Variants in BAIAP2L2 observed in about 807,000 individuals in gnomAD.
The protein encoded by BAIAP2L2 is BAR/IMD domain containing adaptor protein 2 like 2.
Under a neutral mutation model 60.4 loss-of-function variants are expected in BAIAP2L2, and 65 were observed. The observed-to-expected ratio is 1.08, with a 90% CI of 0.88 to 1.32. BAIAP2L2 has a LOEUF of 1.32. Among genes scored for constraint, BAIAP2L2 ranks in the 40% most tolerant of loss-of-function variants. The probability of loss-of-function intolerance (pLI) is 0.00; values close to 1 mark genes in which losing one functional copy is unlikely to be tolerated. For synonymous variants in BAIAP2L2, 344 were observed against 301.7 expected (o/e 1.14, Z -1.45); for missense variants, 836 against 741.2 (o/e 1.13, Z -1.48).
chr22:38,097,310 C>T, intron 6 of BAIAP2L2, 132 bp from the exon 7 acceptor site: 1 of 982,244 alleles, frequency 1.0e-6, no homozygotes, highest in Non-Finnish European at 1.5e-6. Context: ...CCCCCATCAC[C>T]CGGCCCATCC....
intron 7 of BAIAP2L2, among the ~76,000 whole-genome samples, chr22:38,091,849 C>T (rs554117704): frequency 6.6e-6 from 1 of 152,240 alleles, no homozygotes; most frequent in South Asian, 2.1e-4. Flanking sequence ...AAGATACTGG[C>T]ATGTCACAGC....
At chr22:38,089,875 A>G (rs938204479) in intron 7 of BAIAP2L2, among the ~76,000 whole-genome samples, 5 of 151,984 alleles carry the variant, frequency 3.3e-5, no homozygotes, top group African/African-American at 1.2e-4. Flanking sequence ...ATTTTCCACG[A>G]AGAGCTTCCT....
chr22:38,098,974 C>G (rs1056514543), intron 4 of BAIAP2L2, among the ~76,000 whole-genome samples: 2 of 152,308 alleles, frequency 1.3e-5, no homozygotes, highest in East Asian at 1.9e-4. Context: ...GCTGCTATGG[C>G]CATGGCTCAC....
Position 38,088,801 on chromosome 22 carries a change from C to T in BAIAP2L2, c.1065G>A (p.Leu355=), listed in dbSNP as rs751218638. ...RFSAGDVVEV[L]VPEAQNGWLY... is the part of the protein sequence containing the mutation. ...GCCAGCCGTTCTGGGCCTCGGGCAC[C>T]AACACCTCCACCACGTCCCCAGCGG... The change falls in exon 10 of 14, where the codon TTG becomes TTA. Residue 355 remains leucine (L), a synonymous_variant. Coordinates refer to ENST00000381669, the MANE Select transcript of BAIAP2L2 (RefSeq NM_025045.6). 2 of 1,601,296 alleles carry T rather than the reference C, an allele frequency of 1.2e-6. No homozygotes were observed.
intron 1 of BAIAP2L2, among the ~76,000 whole-genome samples, chr22:38,110,092 AGAGAGACAGAGAGAGG>A (rs1569234151): frequency 2.9e-5 from 2 of 69,716 alleles, no homozygotes; most frequent in East Asian, 3.4e-4. Flanking sequence ...ACAGAGAGAG[AGAGAGACAGAGAGAGG>A]GAGAGAGAGA....
chr22:38,085,020 T>G lies in BAIAP2L2; in HGVS notation c.*280A>C, dbSNP rs146229052. The G allele has an allele frequency of 1.4e-5, 6 of 420,474 alleles. No individual in the cohort carries two copies. The East Asian group carries it at 2.8e-4, about 19-fold the overall frequency. 26.0% of individuals were successfully genotyped at this position (420,474 alleles called of 1,614,324 possible). On this transcript the variant is annotated 3_prime_UTR_variant, in exon 14 of 14. Coordinates refer to ENST00000381669, the MANE Select transcript of BAIAP2L2 (RefSeq NM_025045.6). ...GGGGGCAGAAAAGGGGGAAAGAGGT[T>G]AGGGGGCAAGAGGTGGGCCCCCCAG...
In BAIAP2L2 at chr22:38,088,914, C is replaced by G; in HGVS notation, c.952G>C (p.Glu318Gln). ...GCGCCCCCGCCGCCGCCCGGGCGCT[C>G]GCCAAAGGAGTTGGAGCGCGAGCTT... ...AQSSRSNSFG[E>Q]RPGGGGGARR... The change falls in exon 10 of 14, where the codon GAG (glutamate) becomes CAG (glutamine). Residue 318 changes from glutamate (E) to glutamine (Q), a missense_variant. Physicochemically the swap from Glu to Gln is conservative, Grantham distance 29. Coordinates refer to ENST00000381669, the MANE Select transcript of BAIAP2L2 (RefSeq NM_025045.6). 1 of 1,556,204 alleles carries G rather than the reference C, an allele frequency of 6.4e-7. No homozygotes were observed.
chr22:38,088,664 C>T (rs1569217373), intron 10 of BAIAP2L2, 84 bp downstream of exon 10: 2 of 1,392,862 alleles, frequency 1.4e-6, no homozygotes, highest in Admixed American at 5.1e-5. Flanking sequence ...GCCAGGGAAA[C>T]CTCAGTCCGG....
At chr22:38,086,517 G>T in intron 11 of BAIAP2L2, 68 bp from the exon 12 acceptor site, 1 of 1,266,552 alleles carries the variant, frequency 7.9e-7, no homozygotes, top group Non-Finnish European at 1.1e-6. Flanking sequence ...CCTGCCAGTA[G>T]CTGGGGCACC....
chr22:38,088,668 A>C (rs2086173816), intron 10 of BAIAP2L2, 80 bp downstream of exon 10: 2 of 1,402,660 alleles, frequency 1.4e-6, no homozygotes, highest in African/African-American at 1.5e-5. Flanking sequence ...GGGAAACCTC[A>C]GTCCGGCAGG....
chr22:38,105,830 C>T (rs1057231557), intron 4 of BAIAP2L2, among the ~76,000 whole-genome samples: 17 of 152,180 alleles, frequency 1.1e-4, no homozygotes, highest in African/African-American at 2.7e-4. Context: ...TGTATTCCCG[C>T]GGCCTACCAC....
chr22:38,089,133 C>T lies in BAIAP2L2; in HGVS notation c.864G>A (p.Glu288=), dbSNP rs1370761186. Residue 288 remains glutamate, a synonymous_variant, in exon 9 of 14, where the codon GAG becomes GAA. Transcript: ENST00000381669. ...TGCGGGGCAGGGAGCGACGGTCTGG[C>T]TCTAGCTGGGACGCGGGCCTCGCGT... ...EPDARPASQL[E]PDRRSLPRTP... 6 of 1,354,600 alleles carry T rather than the reference C, an allele frequency of 4.4e-6. No homozygotes were observed. The highest frequency in any genetic ancestry group is 4.7e-6 in the Non-Finnish European group (5 of 1,058,982). 83.9% of individuals were successfully genotyped at this position (1,354,600 alleles called of 1,614,324 possible).
Position 38,087,221 on chromosome 22 carries a change from C to T in BAIAP2L2, c.1162G>A (p.Gly388Arg), listed in dbSNP as rs778552264. ...ACGGGGGTCATGGGATTCACGGGCC[C>T]CTCCTCCAGAGCCTTCACGTACGCC... ...PEAYVKALEE[G>R]PVNPMTPVTP... The change falls in exon 11 of 14, where the codon GGG (glycine) becomes AGG (arginine). Residue 388 changes from glycine to arginine, a missense_variant. Transcript: ENST00000381669. The T allele has an allele frequency of 1.9e-6, 3 of 1,605,360 alleles. No homozygotes were observed. The highest frequency in any genetic ancestry group is 1.1e-5 in the South Asian group (1 of 90,116).
At chr22:38,110,142 A>AGGGAGG (rs2086805906) in intron 1 of BAIAP2L2, among the ~76,000 whole-genome samples, 1 of 100,392 alleles carries the variant, frequency 1.0e-5, no homozygotes, top group South Asian at 3.0e-4. Context: ...AGAGAGAGAG[A>AGGGAGG]GAGAGAGGGA....
At chr22:38,089,740 A>C in intron 7 of BAIAP2L2, 66 bp from the exon 8 acceptor site, 2 of 1,210,282 alleles carry the variant, frequency 1.7e-6, no homozygotes, top group Non-Finnish European at 2.1e-6. Flanking sequence ...GGGACCCAAA[A>C]TGACACCCTC....
At chr22:38,109,737 C>T (rs2086759446) in intron 1 of BAIAP2L2, among the ~76,000 whole-genome samples, 1 of 152,058 alleles carries the variant, frequency 6.6e-6, no homozygotes, top group Non-Finnish European at 1.5e-5. Flanking sequence ...CAGAGAGCTC[C>T]CCGGATGGTG....
rs1323470289 is a variant in BAIAP2L2, at chr22:38,097,291, C to G, written c.466-113G>C. 3 of 1,193,168 alleles carry G rather than the reference C, an allele frequency of 2.5e-6. No individual in the cohort carries two copies. The East Asian group carries it at 7.6e-5, about 30-fold the overall frequency. The allele number at this position is 1,193,168 out of a possible 1,614,324, so 73.9% of individuals were successfully genotyped here. ...CTGTTCTTCCTGACTGCCCTCTCCC[C>G]AAGCCCACCCCCCATCACCCGGCCC... On this transcript the variant is annotated intron_variant, in intron 6 of 13. Coordinates refer to ENST00000381669, the MANE Select transcript of BAIAP2L2 (RefSeq NM_025045.6).
intron 7 of BAIAP2L2, among the ~76,000 whole-genome samples, chr22:38,096,718 T>C (rs1455378567): frequency 6.6e-6 from 1 of 152,176 alleles, no homozygotes; most frequent in African/African-American, 2.4e-5. Context: ...CACCTATCAA[T>C]GAATTTGTGA....
At chr22:38,095,045 G>C (rs1345100441) in intron 7 of BAIAP2L2, among the ~76,000 whole-genome samples, 1 of 152,190 alleles carries the variant, frequency 6.6e-6, no homozygotes, top group Admixed American at 6.5e-5. Flanking sequence ...CCAGCACTTG[G>C]GAGGCTGAGG....
Sources: gnomAD v4.1 joint callset for allele counts (sites outside exome capture counted in the v4.1 genomes callset) on GRCh38, gnomAD v4.1.1 for gene constraint, MANE v1.5 for transcripts, NCBI Gene and HGNC (gene_info 2026-07-23, HGNC 2026-07-21) for gene names.